The following THNSL1 variants were observed in gnomAD, a reference collection of about 807,000 sequenced individuals.
THNSL1 encodes threonine synthase-like 1.
In THNSL1, 48 loss-of-function variants were observed where a neutral mutation model predicts 50.4. That is an observed-to-expected ratio of 0.95 (90% CI 0.76 to 1.21). The LOEUF (loss-of-function observed/expected upper bound fraction) is 1.21, where lower values mean the gene tolerates loss of function less well. Among genes scored for constraint, THNSL1 ranks in the 50% most tolerant of loss-of-function variants. The probability of loss-of-function intolerance (pLI) is 0.00; values close to 1 mark genes in which losing one functional copy is unlikely to be tolerated. For missense variants in THNSL1, 896 were observed against 871.7 expected (o/e 1.03, Z -0.35); for synonymous variants, 309 against 306.1 (o/e 1.01, Z -0.10).
At chr10:24,994,874 T>A in the THNSL1 span, among the ~76,000 whole-genome samples, 1 of 151,738 alleles carries the variant, frequency 6.6e-6, no homozygotes, top group African/African-American at 2.4e-5. Context: ...TACAAAAAAA[T>A]AACCAGGCCT....
chr10:24,992,568 G>A, the THNSL1 span, among the ~76,000 whole-genome samples: 450 of 152,314 alleles, frequency 3.0e-3, 2 homozygotes, highest in African/African-American at 0.011. Flanking sequence ...TGGATGACTT[G>A]CTGTGTCTTT....
the THNSL1 span, among the ~76,000 whole-genome samples, chr10:24,954,216 A>G: frequency 6.6e-6 from 1 of 152,174 alleles, no homozygotes; most frequent in Non-Finnish European, 1.5e-5. Context: ...TAGAGTTCAC[A>G]AGACTCTCCT....
the THNSL1 span, among the ~76,000 whole-genome samples, chr10:24,988,554 A>T: frequency 6.8e-6 from 1 of 147,348 alleles, no homozygotes; most frequent in African/African-American, 2.5e-5. Context: ...AGAGATATGA[A>T]TGTGTGTCTG....
At chr10:24,992,235 C>G in the THNSL1 span, among the ~76,000 whole-genome samples, 1 of 152,074 alleles carries the variant, frequency 6.6e-6, no homozygotes, top group African/African-American at 2.4e-5. Context: ...TCTATGGTGA[C>G]AGAGACTCAC....
rs1223974042 is a variant in THNSL1, at chr10:25,021,779, C to T, written c.-178C>T. The T allele has an allele frequency of 6.6e-6, 1 of 152,120 alleles. No individual in the cohort carries two copies. Among genetic ancestry groups the T allele is most frequent in the African/African-American group, 2.4e-5 (1 of 41,422 alleles). The allele number at this position is 152,120 out of a possible 1,614,324, so 9.4% of individuals were successfully genotyped here. A position where few individuals can be genotyped will look rare whatever the true frequency, so the allele number is the denominator to read the frequency against. Reference sequence around the variant, plus strand: ...GCAAAGATCGGTTTTGCCTCAGAGTCAACAAACTCTTCAGATTGGTTCCGG... The same window carrying T: ...GCAAAGATCGGTTTTGCCTCAGAGTTAACAAACTCTTCAGATTGGTTCCGG... On this transcript the variant is annotated 5_prime_UTR_variant, in exon 2 of 3. Transcript: ENST00000376356.
the THNSL1 span, among the ~76,000 whole-genome samples, chr10:24,977,598 T>C: frequency 6.6e-6 from 1 of 152,092 alleles, no homozygotes; most frequent in Non-Finnish European, 1.5e-5. Flanking sequence ...ACACCATGTA[T>C]CCACAAAAAG....
rs1430954264 is a variant in THNSL1 at position 25,023,953 on chromosome 10, C to T, written c.730C>T (p.Gln244Ter). The T allele has an allele frequency of 6.2e-7, 1 of 1,614,052 alleles. No homozygotes were observed. The highest frequency in any genetic ancestry group is 8.5e-7 in the Non-Finnish European group (1 of 1,180,028). Residue 244 changes from glutamine to a stop codon, truncating the protein, a stop_gained, in exon 3 of 3, where the codon CAG (glutamine) becomes TAG (stop). Coordinates refer to ENST00000376356, the MANE Select transcript of THNSL1 (RefSeq NM_024838.5). LOFTEE classifies it high-confidence loss of function. ...TRHVWPEDCE[Q>*]KVSAKFFSEA... Reference sequence around the variant, plus strand: ...ACACGTTTGGCCTGAAGACTGTGAACAGAAGGTTTCAGCAAAATTCTTTAG... The same window carrying T: ...ACACGTTTGGCCTGAAGACTGTGAATAGAAGGTTTCAGCAAAATTCTTTAG...
At chr10:25,012,925 A>C (rs931082656), upstream of THNSL1, among the ~76,000 whole-genome samples, 1 of 152,166 alleles carries the variant, frequency 6.6e-6, no homozygotes, top group African/African-American at 2.4e-5. Context: ...TCTCACATTA[A>C]ATTGATGAGA....
At chr10:24,965,909 T>G in the THNSL1 span, among the ~76,000 whole-genome samples, 1 of 152,246 alleles carries the variant, frequency 6.6e-6, no homozygotes, top group African/African-American at 2.4e-5. Flanking sequence ...TCTTGTTTCT[T>G]GCATTTAGTA....
At chr10:24,963,083 C>T in the THNSL1 span, among the ~76,000 whole-genome samples, 2 of 152,274 alleles carry the variant, frequency 1.3e-5, no homozygotes, top group African/African-American at 4.8e-5. Flanking sequence ...GATTTCTCAG[C>T]ATGTTCATTA....
upstream of THNSL1, chr10:25,016,171 G>A (rs1850567238): frequency 3.4e-6 from 4 of 1,192,108 alleles, no homozygotes; most frequent in Non-Finnish European, 4.2e-6. Context: ...GGTTGCCGTG[G>A]AAACCGTTAC....
rs1053883334 is a variant in THNSL1 at position 25,025,018 on chromosome 10, C to A, written c.1795C>A (p.His599Asn). Reference protein sequence around the residue: ...ELFNRLESQHHFQIEKALVEK... With the variant: ...ELFNRLESQHNFQIEKALVEK... ...ATTTAATCGATTAGAAAGTCAGCATCATTTCCAGATAGAAAAGGCTCTAGT... is the reference window on the plus strand; with the variant it reads ...ATTTAATCGATTAGAAAGTCAGCATAATTTCCAGATAGAAAAGGCTCTAGT... The change falls in exon 3 of 3, where the codon CAT (histidine) becomes AAT (asparagine). Residue 599 changes from histidine to asparagine, a missense_variant. Coordinates refer to ENST00000376356, the MANE Select transcript of THNSL1 (RefSeq NM_024838.5). The A allele has an allele frequency of 6.2e-7, 1 of 1,614,216 alleles. No individual in the cohort carries two copies. The highest frequency in any genetic ancestry group is 1.7e-5 in the Admixed American group (1 of 60,028).
chr10:25,017,869 T>C (rs1348709202), intron 1 of THNSL1, among the ~76,000 whole-genome samples: 1 of 152,198 alleles, frequency 6.6e-6, no homozygotes, highest in Non-Finnish European at 1.5e-5. Context: ...CTCCTGTATG[T>C]ACGAAGATTC....
At chr10:24,978,448 TCTC>T in the THNSL1 span, among the ~76,000 whole-genome samples, 1 of 151,258 alleles carries the variant, frequency 6.6e-6, no homozygotes. Context: ...TCTCTCTCTC[TCTC>T]CTCTCTCTCT....
At chr10:25,019,707 T>G (rs1850679692) in intron 1 of THNSL1, among the ~76,000 whole-genome samples, 1 of 152,240 alleles carries the variant, frequency 6.6e-6, no homozygotes, top group Non-Finnish European at 1.5e-5. Flanking sequence ...TCCTATTAAC[T>G]GCTAATTATC....
chr10:25,002,408 C>G, the THNSL1 span, among the ~76,000 whole-genome samples: 1 of 152,178 alleles, frequency 6.6e-6, no homozygotes, highest in African/African-American at 2.4e-5. Flanking sequence ...ATTCTGTCTC[C>G]TTAACTCAGG....
chr10:24,952,592 G>A, the THNSL1 span: 3 of 1,581,820 alleles, frequency 1.9e-6, no homozygotes, highest in Middle Eastern at 1.7e-4. The surrounding 1 kb of genome is among the most constrained non-coding windows in gnomAD (Gnocchi z 5.1). Flanking sequence ...CCCGGGGAAC[G>A]CGGGAAGGGA....
At chr10:24,962,972 G>A in the THNSL1 span, among the ~76,000 whole-genome samples, 1 of 152,260 alleles carries the variant, frequency 6.6e-6, no homozygotes, top group South Asian at 2.1e-4. Flanking sequence ...AAGAATAGGA[G>A]ACTAGAAAAA....
chr10:24,975,600 T>G, the THNSL1 span, among the ~76,000 whole-genome samples: 1 of 152,100 alleles, frequency 6.6e-6, no homozygotes, highest in East Asian at 1.9e-4. Context: ...TCTCGTGAGA[T>G]CTCATGGTTT....
Sources: gnomAD v4.1 joint callset for allele counts (sites outside exome capture counted in the v4.1 genomes callset) on GRCh38, gnomAD v4.1.1 for gene constraint, Gnocchi (gnomAD v3.1) non-coding constraint, MANE v1.5 for transcripts, NCBI Gene and HGNC (gene_info 2026-07-23, HGNC 2026-07-21) for gene names.